Variants in NPAS3 observed in about 807,000 individuals in gnomAD.
The protein encoded by NPAS3 is neuronal PAS domain-containing protein 3.
In NPAS3, 14 loss-of-function variants were observed where a neutral mutation model predicts 73.1. That is an observed-to-expected ratio of 0.19 (90% CI 0.13 to 0.30). NPAS3 has a LOEUF of 0.30. Among genes scored for constraint, NPAS3 ranks in the 10% least tolerant of loss-of-function variants. The probability of loss-of-function intolerance (pLI) is 1.00; values close to 1 mark genes in which losing one functional copy is unlikely to be tolerated. For missense variants in NPAS3, 1,096 were observed against 1,250.0 expected, an observed-to-expected ratio of 0.88 and a Z score of 1.86; for synonymous variants, 620 against 541.5, an observed-to-expected ratio of 1.14 and a Z score of -2.01.
At chr14:33,490,580 C>G (rs1329996229) in intron 4 of NPAS3, among the ~76,000 whole-genome samples, 1 of 152,130 alleles carries the variant, frequency 6.6e-6, no homozygotes, top group Non-Finnish European at 1.5e-5. Context: ...AGCTTACTTA[C>G]AGCTTCTGCA....
chr14:33,465,922 G>A (rs1385645044), intron 4 of NPAS3, among the ~76,000 whole-genome samples: 1 of 152,098 alleles, frequency 6.6e-6, no homozygotes, highest in African/African-American at 2.4e-5. Context: ...GCTAAATTGT[G>A]TAGTATCTAC....
chr14:33,670,776 A>G lies in NPAS3; in HGVS notation c.559-5435A>G, dbSNP rs746434991. Among the ~76,000 whole-genome samples, 58 of 151,982 alleles carry G rather than the reference A, an allele frequency of 3.8e-4. No homozygotes were observed. In the Middle Eastern group the frequency reaches 0.017, roughly 45 times the overall value. ...TTTAGTTTCCAAGCCACTTACCACA[A>G]ACAGAGTCCTCCCTCAGGAATGACC... On this transcript the variant is annotated intron_variant, in intron 5 of 11. Coordinates refer to ENST00000356141, the Ensembl canonical transcript of NPAS3.
At chr14:33,339,587 T>G (rs1303120092) in intron 3 of NPAS3, among the ~76,000 whole-genome samples, 1 of 152,256 alleles carries the variant, frequency 6.6e-6, no homozygotes, top group Admixed American at 6.5e-5. Context: ...TGAAAGTTTC[T>G]TGGCCAGAAA....
At chr14:33,518,471 A>G (rs2140078002) in intron 4 of NPAS3, among the ~76,000 whole-genome samples, 1 of 152,272 alleles carries the variant, frequency 6.6e-6, no homozygotes, top group East Asian at 1.9e-4. Flanking sequence ...GAGATCAACC[A>G]AGAGTTCCAA....
chr14:33,113,768 A>G (rs1184420075), intron 2 of NPAS3, among the ~76,000 whole-genome samples: 2 of 152,168 alleles, frequency 1.3e-5, no homozygotes, highest in Non-Finnish European at 1.5e-5. Context: ...GAATGCTTCC[A>G]GTTTTTGCCC....
intron 2 of NPAS3, among the ~76,000 whole-genome samples, chr14:33,091,195 C>G (rs1307713931): frequency 6.6e-6 from 1 of 152,064 alleles, no homozygotes; most frequent in South Asian, 2.1e-4. Flanking sequence ...ATCAATGAAT[C>G]CAGGAGCTGG....
chr14:33,423,694 C>T (rs963219495), intron 4 of NPAS3, among the ~76,000 whole-genome samples: 2 of 151,862 alleles, frequency 1.3e-5, no homozygotes, highest in South Asian at 4.2e-4. Context: ...TAAAGTTCTT[C>T]ATGTATATTT....
At chr14:33,508,511 G>A (rs1224401614) in intron 4 of NPAS3, among the ~76,000 whole-genome samples, 1 of 152,034 alleles carries the variant, frequency 6.6e-6, no homozygotes, top group Non-Finnish European at 1.5e-5. Context: ...ACTCCAGAAA[G>A]TAACCTTCTC....
At chr14:33,163,623 GTTTT>G (rs71448290) in intron 2 of NPAS3, among the ~76,000 whole-genome samples, 18 of 110,610 alleles carry the variant, frequency 1.6e-4, no homozygotes, top group South Asian at 9.5e-4. Context: ...GTGTTTTGTT[GTTTT>G]TTTTTTTTTT....
chr14:32,982,358 A>T (rs1959164), intron 1 of NPAS3, among the ~76,000 whole-genome samples: 81,043 of 152,134 alleles, frequency 0.53, 24,969 homozygotes, highest in Non-Finnish European at 0.7. Context: ...CAACACATGC[A>T]TTTTGTGAAA....
At chr14:33,527,170 C>T (rs1243617560) in intron 4 of NPAS3, among the ~76,000 whole-genome samples, 1 of 152,156 alleles carries the variant, frequency 6.6e-6, no homozygotes, top group African/African-American at 2.4e-5. Flanking sequence ...TTTCCCCTTC[C>T]TTATCCACTC....
At chr14:33,518,334 G>T (rs1325295590) in intron 4 of NPAS3, among the ~76,000 whole-genome samples, 2 of 152,050 alleles carry the variant, frequency 1.3e-5, no homozygotes, top group Non-Finnish European at 2.9e-5. Flanking sequence ...TAGTTGGATG[G>T]CAAGGTAAGG....
chr14:33,393,089 T>C (rs2068386), intron 4 of NPAS3, among the ~76,000 whole-genome samples: 6,816 of 152,260 alleles, frequency 0.045, 531 homozygotes, highest in African/African-American at 0.15. Flanking sequence ...ATATGCTTAT[T>C]TTCTAAATTG....
intron 10 of NPAS3, among the ~76,000 whole-genome samples, chr14:33,795,812 T>G (rs1184831058): frequency 6.6e-6 from 1 of 152,182 alleles, no homozygotes; most frequent in Non-Finnish European, 1.5e-5. Flanking sequence ...TGGTACAAAC[T>G]CATGAGCTTT....
At chr14:33,394,113 A>G (rs1286007713) in intron 4 of NPAS3, among the ~76,000 whole-genome samples, 1 of 152,162 alleles carries the variant, frequency 6.6e-6, no homozygotes, top group African/African-American at 2.4e-5. Flanking sequence ...ATGGATGGGA[A>G]AGGTTTTGTC....
At chr14:33,544,268 AAAGC>A (rs2054676824) in intron 4 of NPAS3, among the ~76,000 whole-genome samples, 1 of 151,930 alleles carries the variant, frequency 6.6e-6, no homozygotes, top group African/African-American at 2.4e-5. Flanking sequence ...TTGGCCTCCC[AAAGC>A]ACTGGGATTA....
chr14:33,386,621 A>G (rs926225452), intron 4 of NPAS3, among the ~76,000 whole-genome samples: 1 of 151,352 alleles, frequency 6.6e-6, no homozygotes, highest in Non-Finnish European at 1.5e-5. Flanking sequence ...GTTCTTTTTT[A>G]TTTTTCTCAG....
intron 1 of NPAS3, among the ~76,000 whole-genome samples, chr14:32,989,663 AC>A (rs1566437937): frequency 3.4e-4 from 42 of 122,228 alleles, no homozygotes; most frequent in African/African-American, 2.0e-3. Context: ...AACAACAACA[AC>A]AACAACAAAA....
chr14:32,945,281 T>G (rs1172701096), intron 1 of NPAS3, among the ~76,000 whole-genome samples: 1 of 152,210 alleles, frequency 6.6e-6, no homozygotes, highest in Non-Finnish European at 1.5e-5. Context: ...AAAGATACTG[T>G]ATAAATTGAA....
Sources: gnomAD v4.1 joint callset for allele counts (sites outside exome capture counted in the v4.1 genomes callset) on GRCh38, gnomAD v4.1.1 for gene constraint, MANE v1.5 for transcripts, NCBI Gene and HGNC (gene_info 2026-07-23, HGNC 2026-07-21) for gene names.